Variants in UBE2Q2 observed in about 807,000 individuals in gnomAD.
UBE2Q2 encodes the protein ubiquitin-conjugating enzyme E2 Q2.
In UBE2Q2, 54 loss-of-function variants were observed where a neutral mutation model predicts 59.9. That is an observed-to-expected ratio of 0.90 (90% CI 0.72 to 1.13). The LOEUF is 1.13. Among genes scored for constraint, UBE2Q2 ranks in the 50% most tolerant of loss-of-function variants. The pLI, the probability that UBE2Q2 is intolerant of heterozygous loss-of-function variation, is 0.00. For synonymous variants in UBE2Q2, 165 were observed against 155.2 expected (o/e 1.06, Z -0.47); for missense variants, 433 against 441.9 (o/e 0.98, Z 0.18).
At chr15:75,880,101 G>A (rs927954137) in intron 8 of UBE2Q2, among the ~76,000 whole-genome samples, 5 of 151,414 alleles carry the variant, frequency 3.3e-5, no homozygotes, top group Non-Finnish European at 5.9e-5. Flanking sequence ...TATTTAATAA[G>A]GTTTTTTTTT....
At chr15:75,859,137 C>T (rs1306701987) in intron 2 of UBE2Q2, among the ~76,000 whole-genome samples, 1 of 152,178 alleles carries the variant, frequency 6.6e-6, no homozygotes, top group Non-Finnish European at 1.5e-5. Context: ...ATTTACCTTG[C>T]TTACTTGTTG....
intron 9 of UBE2Q2, among the ~76,000 whole-genome samples, chr15:75,884,080 A>T (rs777450771): frequency 6.6e-6 from 1 of 152,192 alleles, no homozygotes; most frequent in East Asian, 1.9e-4. Context: ...TTAGGGTCAA[A>T]TGGTAATTGT....
chr15:75,856,391 T>C (rs1186738483), intron 2 of UBE2Q2, among the ~76,000 whole-genome samples: 1 of 151,796 alleles, frequency 6.6e-6, no homozygotes, highest in Non-Finnish European at 1.5e-5. Flanking sequence ...AAATAAAGAA[T>C]AGACTTGTTC....
chr15:75,859,363 T>C lies in UBE2Q2; in HGVS notation c.283-515T>C, dbSNP rs189452479. On this transcript the variant is annotated intron_variant, in intron 2 of 12. Transcript: ENST00000267938. Reference sequence around the variant, plus strand: ...GTAGACTCATACTCAGGGAATTAGATAGGATATCCAAGGTCATCTAGATTG... The same window carrying C: ...GTAGACTCATACTCAGGGAATTAGACAGGATATCCAAGGTCATCTAGATTG... Among the ~76,000 whole-genome samples the C allele has an allele frequency of 2.6e-5, 4 of 152,298 alleles. No individual in the cohort carries two copies. In the East Asian group the frequency reaches 7.7e-4, roughly 29 times the overall value.
intron 1 of UBE2Q2, among the ~76,000 whole-genome samples, chr15:75,848,369 T>C (rs1400383002): frequency 6.6e-6 from 1 of 152,226 alleles, no homozygotes; most frequent in Admixed American, 6.5e-5. Context: ...CTAAGGAGCC[T>C]AAGACTTTTC....
At chr15:75,878,600 T>TAA (rs142315305) in intron 7 of UBE2Q2, among the ~76,000 whole-genome samples, 2 of 86,058 alleles carry the variant, frequency 2.3e-5, no homozygotes, top group African/African-American at 8.8e-5. Context: ...CCCGGTCTCT[T>TAA]AAAAAAAAAA....
In UBE2Q2 at chr15:75,844,188, C is replaced by CCGGGGCGGGGCGGGG. The variant is rs534143228; in HGVS notation, c.180+351_180+365dup. 6.2e-6 allele frequency: 9 copies of CCGGGGCGGGGCGGGG among 1,445,770 alleles called. No individual in the cohort carries two copies. In the East Asian group the frequency reaches 1.8e-4, roughly 29 times the overall value. 89.6% of individuals were successfully genotyped at this position (1,445,770 alleles called of 1,614,324 possible). A position where few individuals can be genotyped will look rare whatever the true frequency, so the allele number is the denominator to read the frequency against. ...GCCCTCAGCCGGCCTGCTCCCGGGA[C>CCGGGGCGGGGCGGGG]CGGGGCGGGGCGGGGCGGGGCGGCG... is the stretch of plus-strand genomic sequence containing the variant. On this transcript the variant is annotated intron_variant, in intron 1 of 12. Transcript: ENST00000267938.
At chr15:75,844,395 A>T (rs1266229599) in intron 1 of UBE2Q2, 3 of 1,551,072 alleles carry the variant, frequency 1.9e-6, no homozygotes, top group Non-Finnish European at 2.6e-6. Context: ...TGGAATGCAG[A>T]CTCTGGTGCT....
At chr15:75,891,317 CTTA>C (rs371713022) in intron 11 of UBE2Q2, among the ~76,000 whole-genome samples, 170 of 152,076 alleles carry the variant, frequency 1.1e-3, no homozygotes, top group East Asian at 1.9e-3. Flanking sequence ...CAGTTGTAAA[CTTA>C]TTATTAGTAT....
intron 1 of UBE2Q2, among the ~76,000 whole-genome samples, chr15:75,853,382 A>T (rs540391461): frequency 1.3e-5 from 2 of 152,158 alleles, no homozygotes; most frequent in South Asian, 4.2e-4. Flanking sequence ...GAGGCAGGAG[A>T]ATCGCTTGAA....
chr15:75,877,124 G>C lies in UBE2Q2; in HGVS notation c.674-837G>C, dbSNP rs890324262. On this transcript the variant is annotated intron_variant, in intron 6 of 12. Transcript: ENST00000267938. ...TGTAGTGAGCCAAGATTGCACCACC[G>C]CACTCCAGCCTGGGCAGCAAGAGTG... is the stretch of plus-strand genomic sequence containing the variant. Among the ~76,000 whole-genome samples the C allele has an allele frequency of 5.9e-4, 67 of 114,356 alleles. 1 individual carries two copies. The highest frequency in any genetic ancestry group is 2.1e-3 in the African/African-American group (62 of 29,980). 75.0% of individuals were successfully genotyped at this position (114,356 alleles called of 152,430 possible).
chr15:75,865,641 C>T (rs568110176), intron 3 of UBE2Q2, among the ~76,000 whole-genome samples: 1 of 152,156 alleles, frequency 6.6e-6, no homozygotes, highest in African/African-American at 2.4e-5. Flanking sequence ...TTTAGTGCAT[C>T]AATATGGTCA....
At chr15:75,883,244 A>C (rs950878515) in intron 8 of UBE2Q2, 122 bp from the exon 9 acceptor site, 53 of 893,432 alleles carry the variant, frequency 5.9e-5, no homozygotes, top group Non-Finnish European at 8.2e-5. Context: ...TAATTTTATG[A>C]CTCTTACCCA....
chr15:75,877,540 CAG>C (rs1413286441), intron 6 of UBE2Q2, among the ~76,000 whole-genome samples: 2 of 151,162 alleles, frequency 1.3e-5, no homozygotes, highest in Non-Finnish European at 2.9e-5. Context: ...TAAACTACCA[CAG>C]AGTCATTAAA....
intron 3 of UBE2Q2, among the ~76,000 whole-genome samples, chr15:75,866,581 T>G (rs1897491944): frequency 6.6e-6 from 1 of 152,212 alleles, no homozygotes; most frequent in South Asian, 2.1e-4. Flanking sequence ...ATCCTCTGGA[T>G]GAATGTTAGA....
At chr15:75,895,687 A>G (rs1567044467) in intron 11 of UBE2Q2, among the ~76,000 whole-genome samples, 1 of 152,250 alleles carries the variant, frequency 6.6e-6, no homozygotes, top group South Asian at 2.1e-4. Context: ...AATCAAAACT[A>G]TACTGGGAGT....
intron 3 of UBE2Q2, among the ~76,000 whole-genome samples, chr15:75,865,439 G>C (rs551521524): frequency 1.9e-4 from 29 of 152,248 alleles, no homozygotes; most frequent in African/African-American, 7.0e-4. Context: ...CAGACATGTG[G>C]GTTGTTTCCA....
At chr15:75,858,530 T>C (rs1243032558) in intron 2 of UBE2Q2, among the ~76,000 whole-genome samples, 3 of 152,178 alleles carry the variant, frequency 2.0e-5, no homozygotes, top group Non-Finnish European at 4.4e-5. Flanking sequence ...GAATGTCTCT[T>C]ACTATTTTCC....
chr15:75,877,811 GTAGTGTAATATTTACTATA>G, intron 6 of UBE2Q2, 131 bp from the exon 7 acceptor site: 1 of 539,504 alleles, frequency 1.9e-6, no homozygotes, highest in Admixed American at 3.7e-5. Context: ...CTCAGCTGCA[GTAGTGTAATATTTACTATA>G]TAGCTTAGTT....
Sources: gnomAD v4.1 joint callset for allele counts (sites outside exome capture counted in the v4.1 genomes callset) on GRCh38, gnomAD v4.1.1 for gene constraint, MANE v1.5 for transcripts, NCBI Gene and HGNC (gene_info 2026-07-23, HGNC 2026-07-21) for gene names.